The following STK39 variants were observed in gnomAD, a reference collection of about 807,000 sequenced individuals.
STK39 encodes STE20/SPS1-related proline-alanine-rich protein kinase.
STK39 carries 20 observed loss-of-function variants against 77.8 expected under a neutral mutation model. That is an observed-to-expected ratio of 0.26 (90% CI 0.18 to 0.37). STK39 has a LOEUF of 0.37. Among genes scored for constraint, STK39 ranks in the 10% least tolerant of loss-of-function variants. The pLI, the probability that STK39 is intolerant of heterozygous loss-of-function variation, is 1.00. For missense variants in STK39, 479 were observed against 656.5 expected (o/e 0.73, Z 2.95); for synonymous variants, 246 against 234.1 (o/e 1.05, Z -0.47).
At chr2:168,241,607 C>G (rs57954955) in intron 1 of STK39, among the ~76,000 whole-genome samples, 3,897 of 152,266 alleles carry the variant, frequency 0.026, 171 homozygotes, top group African/African-American at 0.084. Context: ...CAGCCCAGCA[C>G]AAGAGTGGGA....
At chr2:168,170,485 T>C (rs538082506) in intron 2 of STK39, among the ~76,000 whole-genome samples, 1 of 152,346 alleles carries the variant, frequency 6.6e-6, no homozygotes, top group Non-Finnish European at 1.5e-5. Flanking sequence ...GGTGCTTCCC[T>C]AATTTGGATG....
chr2:168,060,970 T>C (rs973201923), intron 14 of STK39, among the ~76,000 whole-genome samples: 5 of 152,352 alleles, frequency 3.3e-5, no homozygotes, highest in Admixed American at 6.5e-5. Context: ...GCAATGGACA[T>C]ACATCTAAAC....
chr2:167,956,850 G>C (rs1486538031), intron 17 of STK39, among the ~76,000 whole-genome samples: 1 of 151,672 alleles, frequency 6.6e-6, no homozygotes, highest in Non-Finnish European at 1.5e-5. Flanking sequence ...GAATGACTGG[G>C]AATGGGCAAT....
At chr2:168,070,693 G>A (rs957922965) in intron 12 of STK39, among the ~76,000 whole-genome samples, 1 of 150,174 alleles carries the variant, frequency 6.7e-6, no homozygotes, top group Non-Finnish European at 1.5e-5. Context: ...AGAACATGCG[G>A]TGTTTGGTTC....
chr2:168,247,150 AG>A lies in STK39; in HGVS notation c.208+77del, dbSNP rs1273551154. On this transcript the variant is annotated intron_variant, in intron 1 of 17. Transcript: ENST00000355999. ...TGCCTCCAGGGCGTGCATGCAGGCT[AG>A]CCCAGCATCCCGCGCCCCCTCCCGC... 5.0e-6 allele frequency: 5 copies of A among 1,007,354 alleles called. No homozygotes were observed. In the African/African-American group the frequency reaches 8.9e-5, roughly 18 times the overall value. 62.4% of individuals were successfully genotyped at this position (1,007,354 alleles called of 1,614,324 possible). A position where few individuals can be genotyped will look rare whatever the true frequency, so the allele number is the denominator to read the frequency against.
intron 12 of STK39, among the ~76,000 whole-genome samples, chr2:168,069,599 A>T (rs1322277313): frequency 6.6e-6 from 1 of 151,892 alleles, no homozygotes; most frequent in East Asian, 1.9e-4. Context: ...CATTTAAAAC[A>T]AATCTTCAGG....
chr2:168,172,217 T>G (rs1189972209), intron 2 of STK39, among the ~76,000 whole-genome samples: 2 of 152,206 alleles, frequency 1.3e-5, no homozygotes, highest in African/African-American at 4.8e-5. Context: ...TCGTTGCGTG[T>G]GAGCATCGCC....
intron 10 of STK39, among the ~76,000 whole-genome samples, chr2:168,093,198 T>C (rs945459474): frequency 2.0e-5 from 3 of 152,188 alleles, no homozygotes; most frequent in Non-Finnish European, 4.4e-5. Context: ...CTTCACCATC[T>C]TCTCAAACTC....
intron 10 of STK39, among the ~76,000 whole-genome samples, chr2:168,090,234 T>A (rs1255972155): frequency 2.0e-5 from 3 of 152,232 alleles, no homozygotes; most frequent in African/African-American, 7.2e-5. Context: ...GTTACATCTG[T>A]TCTGTGTCCC....
chr2:167,988,305 A>C lies in STK39; in HGVS notation c.1499-23579T>G, dbSNP rs569022969. Among the ~76,000 whole-genome samples the C allele has an allele frequency of 7.7e-4, 117 of 152,312 alleles. 1 individual carries two copies. The highest frequency in any genetic ancestry group is 2.6e-3 in the African/African-American group (108 of 41,574). On this transcript the variant is annotated intron_variant, in intron 16 of 17. Transcript: ENST00000355999. ...AAAGCTGATTTTTTTCCTGCAAAGA[A>C]GTCGCAGGCATATATGAAGATCCCT...
intron 12 of STK39, among the ~76,000 whole-genome samples, chr2:168,066,333 AATG>A (rs1387335822): frequency 4.6e-5 from 7 of 152,372 alleles, no homozygotes; most frequent in Non-Finnish European, 8.8e-5. Flanking sequence ...CAAGTACAGT[AATG>A]ATGATACCTA....
intron 16 of STK39, among the ~76,000 whole-genome samples, chr2:167,986,909 G>A (rs1323435482): frequency 6.6e-6 from 1 of 152,134 alleles, no homozygotes; most frequent in African/African-American, 2.4e-5. Context: ...CCAGAAAAGA[G>A]TGCTGACTTA....
intron 16 of STK39, among the ~76,000 whole-genome samples, chr2:167,968,523 G>C (rs190653945): frequency 3.9e-5 from 6 of 152,204 alleles, no homozygotes; most frequent in Non-Finnish European, 7.3e-5. Context: ...AATTCTAGCT[G>C]TTTCCAAACA....
chr2:168,008,273 A>C (rs1684182476), intron 16 of STK39, among the ~76,000 whole-genome samples: 1 of 152,202 alleles, frequency 6.6e-6, no homozygotes, highest in African/African-American at 2.4e-5. Flanking sequence ...GGGAGTTGAG[A>C]GGGGCTTGAA....
chr2:168,193,534 G>A (rs1689393430), intron 1 of STK39, among the ~76,000 whole-genome samples: 2 of 152,230 alleles, frequency 1.3e-5, no homozygotes, highest in South Asian at 2.1e-4. Context: ...CTAAGCCCCG[G>A]TGGAAGCAGC....
At chr2:167,997,402 G>A (rs898421757) in intron 16 of STK39, among the ~76,000 whole-genome samples, 2 of 151,996 alleles carry the variant, frequency 1.3e-5, no homozygotes, top group African/African-American at 4.8e-5. Flanking sequence ...AGGGAAAGAG[G>A]GAAGAACTAC....
At chr2:168,093,065 T>TCG (rs1418044463) in intron 10 of STK39, among the ~76,000 whole-genome samples, 2 of 152,200 alleles carry the variant, frequency 1.3e-5, no homozygotes, top group East Asian at 3.8e-4. Context: ...CAAGAATCTC[T>TCG]CGCTCAACAC....
intron 5 of STK39, among the ~76,000 whole-genome samples, chr2:168,146,170 A>G (rs943896020): frequency 3.3e-5 from 5 of 152,190 alleles, no homozygotes; most frequent in African/African-American, 1.2e-4. Context: ...TCATTCACCT[A>G]TGAGGAAAAA....
At chr2:168,136,731 G>C (rs1310733882) in intron 8 of STK39, among the ~76,000 whole-genome samples, 1 of 152,160 alleles carries the variant, frequency 6.6e-6, no homozygotes, top group African/African-American at 2.4e-5. Flanking sequence ...AATTCAAGGG[G>C]AAGATAAGCA....
Sources: gnomAD v4.1 joint callset for allele counts (sites outside exome capture counted in the v4.1 genomes callset) on GRCh38, gnomAD v4.1.1 for gene constraint, MANE v1.5 for transcripts, NCBI Gene and HGNC (gene_info 2026-07-23, HGNC 2026-07-21) for gene names.